VPS13C: variants seen among roughly 807,000 people sequenced by gnomAD.
VPS13C encodes the protein vacuolar protein sorting 13 homolog C.
A neutral mutation model predicts 456.8 loss-of-function variants in VPS13C; 358 were observed. The ratio of observed to expected loss-of-function variants is 0.78; its 90% CI spans 0.72 to 0.86. The LOEUF (loss-of-function observed/expected upper bound fraction) is 0.86, where lower values mean the gene tolerates loss of function less well. Among genes scored for constraint, VPS13C ranks in the 40% least tolerant of loss-of-function variants. The pLI, the probability that VPS13C is intolerant of heterozygous loss-of-function variation, is 0.00. For synonymous variants in VPS13C, 1,578 were observed against 1,486.7 expected, an observed-to-expected ratio of 1.06 and a Z score of -1.41; for missense variants, 4,818 against 4,385.4, an observed-to-expected ratio of 1.10 and a Z score of -2.79.
At chr15:61,995,701 G>A (rs187468844) in intron 16 of VPS13C, among the ~76,000 whole-genome samples, 12 of 152,236 alleles carry the variant, frequency 7.9e-5, no homozygotes, top group African/African-American at 2.4e-4. Flanking sequence ...CCACAGCCAC[G>A]AAGAGCTAAA....
At chr15:61,855,101 T>C (rs1893834095) in intron 83 of VPS13C, 147 bp from the exon 84 acceptor site, 1 of 657,782 alleles carries the variant, frequency 1.5e-6, no homozygotes, top group Non-Finnish European at 2.5e-6. Flanking sequence ...ATGAAATAAA[T>C]CATCTTGGAA....
intron 66 of VPS13C, among the ~76,000 whole-genome samples, chr15:61,893,791 T>G (rs1183133509): frequency 1.3e-5 from 2 of 152,112 alleles, no homozygotes; most frequent in African/African-American, 4.8e-5. Flanking sequence ...TTTGGTTTCC[T>G]TGCTTTCCTT....
intron 38 of VPS13C, among the ~76,000 whole-genome samples, chr15:61,952,872 C>A (rs2044849745): frequency 6.6e-6 from 1 of 151,636 alleles, no homozygotes; most frequent in African/African-American, 2.4e-5. Flanking sequence ...GCCACCACAA[C>A]TGACTAATTA....
chr15:62,058,771 G>T (rs1034712546), intron 1 of VPS13C, among the ~76,000 whole-genome samples: 5 of 152,104 alleles, frequency 3.3e-5, no homozygotes, highest in Admixed American at 3.3e-4. Flanking sequence ...ACAGGCTCTT[G>T]CCAGGCACTA....
At chr15:61,993,598 A>T (rs919447963) in intron 16 of VPS13C, among the ~76,000 whole-genome samples, 3 of 152,136 alleles carry the variant, frequency 2.0e-5, no homozygotes, top group African/African-American at 7.2e-5. Flanking sequence ...CAAGGAATTT[A>T]AAAATAAACT....
At chr15:61,890,138 G>A (rs1185837131) in intron 67 of VPS13C, 27 bp downstream of exon 67, 1 of 1,607,296 alleles carries the variant, frequency 6.2e-7, no homozygotes, top group Admixed American at 1.7e-5. Context: ...TAAAGGTTTA[G>A]GATGTCTTAT....
At chr15:62,036,971 A>C (rs62007448) in intron 3 of VPS13C, among the ~76,000 whole-genome samples, 8,884 of 150,550 alleles carry the variant, frequency 0.059, 339 homozygotes, top group Non-Finnish European at 0.084. Context: ...GAAATTTAAC[A>C]ACTAATATAA....
Position 61,954,428 on chromosome 15 carries a change from A to G in VPS13C, c.4292T>C (p.Ile1431Thr). The G allele has an allele frequency of 6.2e-7, 1 of 1,603,626 alleles. No homozygotes were observed. Among genetic ancestry groups the G allele is most frequent in the Non-Finnish European group, 8.5e-7 (1 of 1,176,928 alleles). The change falls in exon 38 of 85, where the codon ATT (isoleucine) becomes ACT (threonine). Residue 1431 changes from isoleucine to threonine, a missense_variant. Transcript: ENST00000644861. ...DIINMLLNFE[I>T]KEVVVTLMKK... ...CAGATGAAAATTACACACCTCTTTA[A>G]TTTCAAAATTCAGCAGCATATTAAT... is the stretch of plus-strand genomic sequence containing the variant.
chr15:61,968,149 T>G (rs973488353), intron 28 of VPS13C, among the ~76,000 whole-genome samples: 1 of 152,042 alleles, frequency 6.6e-6, no homozygotes, highest in Admixed American at 6.6e-5. Flanking sequence ...ATATTTTTCT[T>G]CTAAATTGAG....
intron 16 of VPS13C, among the ~76,000 whole-genome samples, chr15:61,999,969 C>G (rs2046548566): frequency 6.7e-6 from 1 of 149,940 alleles, no homozygotes; most frequent in Non-Finnish European, 1.5e-5. Context: ...GGGAGAAAAA[C>G]TGATAGCCAA....
chr15:61,917,545 C>T lies in VPS13C; in HGVS notation c.7851G>A (p.Arg2617=), dbSNP rs957789772. ...TYISWKEELH[R]SREVRCMLQC... The stretch of plus-strand genomic sequence containing the variant: ...GCAACATGCATCTGACTTCCCTGCT[C>T]CTATGAAGTTCTTCCTTCCAGGAAA... The change falls in exon 60 of 85, where the codon AGG becomes AGA. Residue 2617 remains arginine, a synonymous_variant. Coordinates refer to ENST00000644861, the MANE Select transcript of VPS13C (RefSeq NM_020821.3). 17 of 1,613,872 alleles carry T rather than the reference C, an allele frequency of 1.1e-5. No homozygotes were observed. The highest frequency in any genetic ancestry group is 1.4e-5 in the Non-Finnish European group (16 of 1,179,904).
At chr15:62,045,490 C>T (rs1298434899) in intron 1 of VPS13C, among the ~76,000 whole-genome samples, 1 of 151,882 alleles carries the variant, frequency 6.6e-6, no homozygotes, top group East Asian at 1.9e-4. Flanking sequence ...GTGAGTAAGG[C>T]ACATTTTAGA....
intron 27 of VPS13C, 45 bp from the exon 28 acceptor site, chr15:61,969,497 C>T (rs2045481599): frequency 7.3e-7 from 1 of 1,363,028 alleles, no homozygotes; most frequent in Admixed American, 2.7e-5. Flanking sequence ...AAGTCTGAAT[C>T]ATACTTAAAA....
At chr15:61,960,688 A>C (rs1337690249) in intron 35 of VPS13C, among the ~76,000 whole-genome samples, 2 of 152,244 alleles carry the variant, frequency 1.3e-5, no homozygotes, top group Non-Finnish European at 2.9e-5. Context: ...ACAACTGGTG[A>C]ATCTAGATGA....
chr15:62,012,127 A>G lies in VPS13C; in HGVS notation c.863T>C (p.Ile288Thr), dbSNP rs781184347. The stretch of plus-strand genomic sequence containing the variant: ...CTTACTGTATTGATAATTTGGGGGT[A>G]TATTTCCACTTGTAAGAATTTCATT... ...LKNEILTSGN[I>T]PPNYQYIFQP... The change falls in exon 12 of 85, where the codon ATA (isoleucine) becomes ACA (threonine). Residue 288 changes from isoleucine to threonine, a missense_variant. Around this residue, in one of 3 missense-constraint regions of VPS13C, gnomAD observed 4,552 missense variants for 4,130.6 expected, o/e 1.10. Transcript: ENST00000644861. 2 of 1,543,418 alleles carry G rather than the reference A, an allele frequency of 1.3e-6. No individual in the cohort carries two copies. The highest frequency in any genetic ancestry group is 1.8e-6 in the Non-Finnish European group (2 of 1,120,128).
chr15:61,946,486 A>G lies in VPS13C; in HGVS notation c.4877-76T>C, dbSNP rs1035572468. 13 of 1,027,928 alleles carry G rather than the reference A, an allele frequency of 1.3e-5. No homozygotes were observed. In the African/African-American group the frequency reaches 1.8e-4, roughly 14 times the overall value. The allele number at this position is 1,027,928 out of a possible 1,614,324, so 63.7% of individuals were successfully genotyped here. On this transcript the variant is annotated intron_variant, in intron 43 of 84. Coordinates refer to ENST00000644861, the MANE Select transcript of VPS13C (RefSeq NM_020821.3). Reference sequence around the variant, plus strand: ...GCCAGTGGTATTTAAGTTCAATAATATACTGACAAGATATAAAGTGAATAA... The same window carrying G: ...GCCAGTGGTATTTAAGTTCAATAATGTACTGACAAGATATAAAGTGAATAA...
At chr15:61,907,422 A>G (rs1303273884) in intron 65 of VPS13C, 32 bp from the exon 66 acceptor site, 6 of 1,608,446 alleles carry the variant, frequency 3.7e-6, no homozygotes, top group African/African-American at 2.7e-5. Context: ...GAAAATCAGA[A>G]TATCTTGGAG....
intron 73 of VPS13C, among the ~76,000 whole-genome samples, chr15:61,879,706 C>T (rs1895712054): frequency 6.6e-6 from 1 of 152,002 alleles, no homozygotes; most frequent in Non-Finnish European, 1.5e-5. Context: ...AATAAGCATT[C>T]AGTAAATACT....
chr15:62,025,191 G>A (rs950036840), intron 6 of VPS13C, among the ~76,000 whole-genome samples: 1 of 152,060 alleles, frequency 6.6e-6, no homozygotes, highest in Non-Finnish European at 1.5e-5. Flanking sequence ...ATATTTTAGA[G>A]AATATATGTG....
Sources: gnomAD v4.1 joint callset for allele counts (sites outside exome capture counted in the v4.1 genomes callset) on GRCh38, gnomAD v4.1.1 for gene constraint, gnomAD v4.1.1 regional missense constraint, MANE v1.5 for transcripts, NCBI Gene and HGNC (gene_info 2026-07-23, HGNC 2026-07-21) for gene names.